Variants in GNA14 observed in about 807,000 individuals in gnomAD.
GNA14 encodes the protein guanine nucleotide-binding protein subunit alpha-14.
A neutral mutation model predicts 42.0 loss-of-function variants in GNA14; 50 were observed. The observed-to-expected ratio is 1.19, with a 90% confidence interval of 0.95 to 1.51. The LOEUF is 1.51. Among genes scored for constraint, GNA14 ranks in the 40% most tolerant of loss-of-function variants. The probability of loss-of-function intolerance (pLI) is 0.00; values close to 1 mark genes in which losing one functional copy is unlikely to be tolerated. For synonymous variants in GNA14, 173 were observed against 163.1 expected (o/e 1.06, Z -0.46); for missense variants, 473 against 446.2 (o/e 1.06, Z -0.54).
intron 2 of GNA14, among the ~76,000 whole-genome samples, chr9:77,527,370 A>C (rs539002261): frequency 3.9e-5 from 6 of 152,322 alleles, no homozygotes; most frequent in Admixed American, 2.6e-4. Context: ...ACTTCACACC[A>C]GATATACCAT....
chr9:77,539,729 A>G (rs1021540096), intron 1 of GNA14, among the ~76,000 whole-genome samples: 1 of 152,024 alleles, frequency 6.6e-6, no homozygotes, highest in Non-Finnish European at 1.5e-5. Context: ...TCCTGATTCA[A>G]GCTTGGTTGG....
In GNA14 at chr9:77,626,470, T is replaced by C. The variant is rs1006537563; in HGVS notation, c.124+21200A>G. Among the ~76,000 whole-genome samples, 5 of 152,186 alleles carry C rather than the reference T, an allele frequency of 3.3e-5. No individual in the cohort carries two copies. In the East Asian group the frequency reaches 9.6e-4, roughly 29 times the overall value. On this transcript the variant is annotated intron_variant, in intron 1 of 6. Transcript: ENST00000341700. ...CACCACATTGCACTTAGTTTAAAAT[T>C]GACCGCATCATTGGAAGTAAAACAC...
At chr9:77,631,956 G>T (rs148825383) in intron 1 of GNA14, among the ~76,000 whole-genome samples, 1 of 152,064 alleles carries the variant, frequency 6.6e-6, no homozygotes, top group Non-Finnish European at 1.5e-5. Context: ...TGCAGCAGCC[G>T]CCCAAACTGC....
intron 1 of GNA14, among the ~76,000 whole-genome samples, chr9:77,627,725 T>C (rs1254719503): frequency 1.3e-5 from 2 of 152,098 alleles, no homozygotes; most frequent in Non-Finnish European, 2.9e-5. Context: ...ATAAACTAGG[T>C]ATTGATGGAA....
intron 1 of GNA14, among the ~76,000 whole-genome samples, chr9:77,634,105 A>G (rs1203533153): frequency 1.3e-5 from 2 of 152,188 alleles, no homozygotes; most frequent in East Asian, 3.9e-4. Context: ...CTTACCATGT[A>G]TAGTTACTAG....
chr9:77,586,349 G>T (rs1280690299), intron 1 of GNA14, among the ~76,000 whole-genome samples: 1 of 152,058 alleles, frequency 6.6e-6, no homozygotes, highest in East Asian at 1.9e-4. Context: ...TCAAAAAATG[G>T]AAATTTCCTC....
At chr9:77,442,146 C>T (rs12341507) in intron 2 of GNA14, among the ~76,000 whole-genome samples, 19,504 of 152,180 alleles carry the variant, frequency 0.13, 1,363 homozygotes, top group African/African-American at 0.17. Flanking sequence ...CTAAGGCACA[C>T]GGATCACTTG....
At chr9:77,587,979 C>T (rs1455623290) in intron 1 of GNA14, among the ~76,000 whole-genome samples, 1 of 152,120 alleles carries the variant, frequency 6.6e-6, no homozygotes, top group Non-Finnish European at 1.5e-5. Context: ...TTGGCTTTGG[C>T]CCCTTCCTCT....
At chr9:77,567,584 C>T (rs745629893) in intron 1 of GNA14, among the ~76,000 whole-genome samples, 3 of 151,974 alleles carry the variant, frequency 2.0e-5, no homozygotes, top group Admixed American at 1.3e-4. Context: ...AAAGATATTC[C>T]GGCTGGGTGT....
At chr9:77,491,833 A>G (rs572455816) in intron 2 of GNA14, among the ~76,000 whole-genome samples, 1 of 152,344 alleles carries the variant, frequency 6.6e-6, no homozygotes, top group East Asian at 1.9e-4. Context: ...CATTTACAGA[A>G]CATTTCACCC....
chr9:77,563,661 G>GCC (rs1822919180), intron 1 of GNA14, among the ~76,000 whole-genome samples: 1 of 152,112 alleles, frequency 6.6e-6, no homozygotes, highest in Non-Finnish European at 1.5e-5. Context: ...AAACTGGGCT[G>GCC]CTGTTTTTTT....
At chr9:77,578,885 C>G (rs1391172675) in intron 1 of GNA14, among the ~76,000 whole-genome samples, 2 of 152,180 alleles carry the variant, frequency 1.3e-5, no homozygotes. Context: ...ATCCAGTCTT[C>G]ATTAATGATA....
intron 2 of GNA14, among the ~76,000 whole-genome samples, chr9:77,473,777 A>G (rs1836372070): frequency 1.3e-5 from 2 of 152,172 alleles, no homozygotes; most frequent in South Asian, 2.1e-4. Context: ...CTACAAAGCT[A>G]TTGTAATCAA....
chr9:77,605,283 A>T (rs954481244), intron 1 of GNA14, among the ~76,000 whole-genome samples: 6 of 152,242 alleles, frequency 3.9e-5, no homozygotes, highest in Admixed American at 2.0e-4. Flanking sequence ...GGGTGGAAAG[A>T]TGCAAACATG....
chr9:77,566,461 G>A (rs1413408019), intron 1 of GNA14, among the ~76,000 whole-genome samples: 1 of 151,944 alleles, frequency 6.6e-6, no homozygotes, highest in Non-Finnish European at 1.5e-5. Flanking sequence ...AACCAGGAGT[G>A]CTTCTTAAAG....
intron 1 of GNA14, among the ~76,000 whole-genome samples, chr9:77,604,385 TAAAGCCCTAAGTG>T (rs1389772267): frequency 1.3e-5 from 2 of 152,190 alleles, no homozygotes; most frequent in African/African-American, 4.8e-5. Context: ...CTCACTTTGG[TAAAGCCCTAAGTG>T]GAAGTCTGAA....
At chr9:77,464,331 ATGTGTGTGTGTGTGTGTATATGTG>A (rs1365332225) in intron 2 of GNA14, among the ~76,000 whole-genome samples, 17 of 142,844 alleles carry the variant, frequency 1.2e-4, no homozygotes, top group South Asian at 2.3e-4. Flanking sequence ...GTGTATATAT[ATGTGTGTGTGTGTGTGTATATGTG>A]TGTGTGTGTG....
intron 2 of GNA14, among the ~76,000 whole-genome samples, chr9:77,527,595 A>T (rs557124807): frequency 2.7e-4 from 41 of 152,280 alleles, no homozygotes; most frequent in African/African-American, 9.9e-4. Flanking sequence ...AAGATTGGAT[A>T]CCCTTGCTGT....
At chr9:77,428,784 A>G (rs1341616226) in intron 5 of GNA14, 123 bp downstream of exon 5, 3 of 971,478 alleles carry the variant, frequency 3.1e-6, no homozygotes, top group Non-Finnish European at 4.7e-6. Flanking sequence ...CACAGGTCAC[A>G]CTTTGAGTAG....
Sources: allele counts gnomAD v4.1 joint callset (sites outside exome capture counted in the v4.1 genomes callset), GRCh38; gene constraint gnomAD v4.1.1; transcripts MANE v1.5; gene names NCBI Gene and HGNC (gene_info 2026-07-23, HGNC 2026-07-21).